Variants in PEX7 observed in about 807,000 individuals in gnomAD.
PEX7 encodes peroxisomal biogenesis factor 7, also known as PTS2 receptor.
Under a neutral mutation model 47.5 loss-of-function variants are expected in PEX7, and 34 were observed. The ratio of observed to expected loss-of-function variants is 0.72; its 90% CI spans 0.54 to 0.95. The LOEUF is 0.95. PEX7 is among the 40% of genes least tolerant of loss of function. The pLI, the probability that PEX7 is intolerant of heterozygous loss-of-function variation, is 0.00. For missense variants in PEX7, 394 were observed against 400.3 expected, an observed-to-expected ratio of 0.98 and a Z score of 0.13; for synonymous variants, 141 against 148.8, an observed-to-expected ratio of 0.95 and a Z score of 0.38.
chr6:136,883,692 C>T (rs73777767), intron 8 of PEX7, among the ~76,000 whole-genome samples: 7,127 of 152,104 alleles, frequency 0.047, 602 homozygotes, highest in African/African-American at 0.16. Flanking sequence ...GAGCCTTAGG[C>T]CTGCATATTC....
chr6:136,832,416 G>A (rs1269129779), intron 3 of PEX7, among the ~76,000 whole-genome samples: 1 of 152,214 alleles, frequency 6.6e-6, no homozygotes, highest in Non-Finnish European at 1.5e-5. Flanking sequence ...AGGGGCTTCT[G>A]CAAATGTCTC....
At chr6:136,894,278 G>T (rs949798179) in intron 8 of PEX7, among the ~76,000 whole-genome samples, 32 of 152,138 alleles carry the variant, frequency 2.1e-4, no homozygotes, top group Middle Eastern at 6.8e-3. Context: ...CCAACATGGT[G>T]AAACCCCGTC....
intron 5 of PEX7, among the ~76,000 whole-genome samples, chr6:136,854,711 C>T (rs1774827858): frequency 1.3e-5 from 2 of 152,078 alleles, no homozygotes; most frequent in Admixed American, 1.3e-4. Flanking sequence ...GGAGGGATGC[C>T]TTTTGGCCTT....
intron 5 of PEX7, among the ~76,000 whole-genome samples, chr6:136,850,972 T>G (rs914097883): frequency 2.4e-5 from 3 of 125,042 alleles, no homozygotes; most frequent in Non-Finnish European, 4.8e-5. Flanking sequence ...CTGCTGTCTT[T>G]TTTTTTTATT....
At chr6:136,868,372 A>G (rs1396595609) in intron 6 of PEX7, among the ~76,000 whole-genome samples, 1 of 152,228 alleles carries the variant, frequency 6.6e-6, no homozygotes, top group Non-Finnish European at 1.5e-5. Context: ...TAAATTAATT[A>G]AAGTTAAAAG....
At chr6:136,911,779 T>C (rs1192778784) in intron 9 of PEX7, among the ~76,000 whole-genome samples, 2 of 152,230 alleles carry the variant, frequency 1.3e-5, no homozygotes, top group African/African-American at 4.8e-5. Context: ...TGCAAACATA[T>C]GTTTTCATTT....
chr6:136,891,651 C>CT lies in PEX7; in HGVS notation c.804-6476dup, dbSNP rs56658273. Among the ~76,000 whole-genome samples, 982 of 140,582 alleles carry CT rather than the reference C, an allele frequency of 7.0e-3. 6 individuals carry two copies. The highest frequency in any genetic ancestry group is 0.014 in the African/African-American group (541 of 38,714). The allele number at this position is 140,582 out of a possible 152,430, so 92.2% of individuals were successfully genotyped here. A position where few individuals can be genotyped will look rare whatever the true frequency, so the allele number is the denominator to read the frequency against. Reference sequence around the variant, plus strand: ...AACTCTATAAAATTGTTCAACAGCCCTTTTTTTTTTTTTTTGAGACAGAGT... The same window carrying CT: ...AACTCTATAAAATTGTTCAACAGCCCTTTTTTTTTTTTTTTTGAGACAGAGT... On this transcript the variant is annotated intron_variant, in intron 8 of 9. Transcript: ENST00000318471.
intron 8 of PEX7, among the ~76,000 whole-genome samples, chr6:136,887,348 A>G (rs576841217): frequency 6.6e-6 from 1 of 152,234 alleles, no homozygotes; most frequent in African/African-American, 2.4e-5. Flanking sequence ...CCTCAGTCAT[A>G]AGATGTACTG....
At chr6:136,903,353 T>TTTTTTC (rs1775787026) in intron 9 of PEX7, among the ~76,000 whole-genome samples, 1 of 149,610 alleles carries the variant, frequency 6.7e-6, no homozygotes, top group Admixed American at 6.6e-5. Context: ...TTTTTTTTTT[T>TTTTTTC]TTCATAGAGA....
rs1405221185 is a variant in PEX7 at position 136,826,417 on chromosome 6, A to G, written c.287A>G (p.Asp96Gly). 1 of 1,613,910 alleles carries G rather than the reference A, an allele frequency of 6.2e-7. No homozygotes were observed. Among genetic ancestry groups the G allele is most frequent in the Non-Finnish European group, 8.5e-7 (1 of 1,179,998 alleles). The part of the protein sequence containing the change: ...CSGDGSLQLW[D>G]TAKAAGPLQV... The stretch of plus-strand genomic sequence containing the variant: ...GGCGATGGCTCGCTGCAGCTCTGGG[A>G]CACTGCCAAAGCTGCAGGGCCACTG... Residue 96 changes from aspartate (D) to glycine (G), a missense_variant, in exon 3 of 10, where the codon GAC becomes GGC. Asp to Gly is a moderately conservative substitution (Grantham distance 94). Coordinates refer to ENST00000318471, the MANE Select transcript of PEX7 (RefSeq NM_000288.4).
rs535961085 is a variant in PEX7, at chr6:136,823,403, A to G, written c.130+608A>G. 21 of 964,076 alleles carry G rather than the reference A, an allele frequency of 2.2e-5. No individual in the cohort carries two copies. The African/African-American group carries it at 3.7e-4, about 17-fold the overall frequency. 59.7% of individuals were successfully genotyped at this position (964,076 alleles called of 1,614,324 possible). A position where few individuals can be genotyped will look rare whatever the true frequency, so the allele number is the denominator to read the frequency against. On this transcript the variant is annotated intron_variant, in intron 1 of 9. Transcript: ENST00000318471. ...AAGTAGGTGTTACAGACTCCAGTTA[A>G]TTGTCTCCCGTCGCGCGCATTGGCT... is the stretch of plus-strand genomic sequence containing the variant.
chr6:136,879,303 G>C (rs1775334627), intron 8 of PEX7, among the ~76,000 whole-genome samples: 1 of 152,120 alleles, frequency 6.6e-6, no homozygotes, highest in Admixed American at 6.6e-5. Flanking sequence ...TTTCTCAAGA[G>C]GGACTGATGG....
At chr6:136,872,728 G>A (rs1476062219) in intron 8 of PEX7, among the ~76,000 whole-genome samples, 1 of 152,154 alleles carries the variant, frequency 6.6e-6, no homozygotes, top group Non-Finnish European at 1.5e-5. Flanking sequence ...ATAAGAGTGT[G>A]TGTGGGTGTG....
intron 7 of PEX7, among the ~76,000 whole-genome samples, chr6:136,870,558 G>T (rs1028583274): frequency 6.6e-6 from 1 of 152,026 alleles, no homozygotes; most frequent in Non-Finnish European, 1.5e-5. Flanking sequence ...TTATATTTAG[G>T]CAGGTTCTGC....
intron 8 of PEX7, among the ~76,000 whole-genome samples, chr6:136,897,610 G>A (rs1344437987): frequency 1.3e-5 from 2 of 152,176 alleles, no homozygotes; most frequent in African/African-American, 4.8e-5. Context: ...GATAGTTTCA[G>A]AATTACAGAG....
At chr6:136,837,090 C>T (rs757097494) in intron 3 of PEX7, among the ~76,000 whole-genome samples, 6 of 151,418 alleles carry the variant, frequency 4.0e-5, no homozygotes, top group Admixed American at 1.3e-4. Flanking sequence ...AAGTTTTAGC[C>T]GCGCTTACGC....
chr6:136,909,672 G>A (rs569761596), intron 9 of PEX7, among the ~76,000 whole-genome samples: 2 of 152,184 alleles, frequency 1.3e-5, no homozygotes, highest in East Asian at 3.9e-4. Context: ...ACAAATAGAG[G>A]AATACTATTT....
At chr6:136,822,841 CG>C in intron 1 of PEX7, 46 bp downstream of exon 1, 1 of 1,210,686 alleles carries the variant, frequency 8.3e-7, no homozygotes, top group South Asian at 3.5e-5. Context: ...GAGGCGGAGG[CG>C]GGGGCCAGCC....
Position 136,913,800 on chromosome 6 carries a change from G to T in PEX7, c.*274G>T. Reference sequence around the variant, plus strand: ...TTAAAATGTCTCTGGGTCATAAAATGGATTAAAATATGGGAGATCAGTAGG... The same window carrying T: ...TTAAAATGTCTCTGGGTCATAAAATTGATTAAAATATGGGAGATCAGTAGG... On this transcript the variant is annotated 3_prime_UTR_variant, in exon 10 of 10. Transcript: ENST00000318471. The T allele has an allele frequency of 2.6e-6, 1 of 378,942 alleles. No individual in the cohort carries two copies. The highest frequency in any genetic ancestry group is 4.8e-6 in the Non-Finnish European group (1 of 209,088). The allele number at this position is 378,942 out of a possible 1,614,324, so 23.5% of individuals were successfully genotyped here. A position where few individuals can be genotyped will look rare whatever the true frequency, so the allele number is the denominator to read the frequency against.
Sources: allele counts gnomAD v4.1 joint callset (sites outside exome capture counted in the v4.1 genomes callset), GRCh38; gene constraint gnomAD v4.1.1; transcripts MANE v1.5; gene names NCBI Gene and HGNC (gene_info 2026-07-23, HGNC 2026-07-21).